CACNA2D3: variants seen among roughly 807,000 people sequenced by gnomAD.
CACNA2D3 encodes calcium voltage-gated channel auxiliary subunit alpha2delta 3.
In CACNA2D3, 60 loss-of-function variants were observed where a neutral mutation model predicts 160.6. That is an observed-to-expected ratio of 0.37 (90% CI 0.30 to 0.46). The LOEUF (loss-of-function observed/expected upper bound fraction) is 0.46, where lower values mean the gene tolerates loss of function less well. Among genes scored for constraint, CACNA2D3 ranks in the 20% least tolerant of loss-of-function variants. CACNA2D3 has a pLI of 1.00. For synonymous variants in CACNA2D3, 558 were observed against 492.9 expected (o/e 1.13, Z -1.75); for missense variants, 1,205 against 1,365.0 (o/e 0.88, Z 1.85).
At position 54,372,779 on chromosome 3, in the gene CACNA2D3, A is replaced by G. The variant is rs143061228; in HGVS notation, c.322-13936A>G. On this transcript the variant is annotated intron_variant, in intron 3 of 37. Transcript: ENST00000474759. The stretch of plus-strand genomic sequence containing the variant: ...ACCCTGTGTGTAATTTCAGTTCATT[A>G]CCTGGGCATTAAAAACGGGAGAGCC... 1.7e-3 allele frequency among the ~76,000 whole-genome samples: 256 copies of G among 152,332 alleles called. 11 individuals carry two copies. In the East Asian group the frequency reaches 0.044, roughly 26 times the overall value.
At chr3:54,458,008 T>A (rs1282858043) in intron 4 of CACNA2D3, among the ~76,000 whole-genome samples, 1 of 152,068 alleles carries the variant, frequency 6.6e-6, no homozygotes, top group Non-Finnish European at 1.5e-5. Flanking sequence ...CAGCATATAG[T>A]TGGGTTGTAT....
At chr3:54,916,646 G>A (rs1700668991) in intron 27 of CACNA2D3, among the ~76,000 whole-genome samples, 1 of 152,176 alleles carries the variant, frequency 6.6e-6, no homozygotes, top group African/African-American at 2.4e-5. Flanking sequence ...CATGGCAGGT[G>A]TAGATTGTCT....
intron 11 of CACNA2D3, among the ~76,000 whole-genome samples, chr3:54,737,779 C>G (rs1457799096): frequency 1.3e-5 from 2 of 152,156 alleles, no homozygotes. Flanking sequence ...ATTCTCTTGT[C>G]TCAGCCTCCT....
chr3:54,920,222 T>C (rs1484493541), intron 27 of CACNA2D3, among the ~76,000 whole-genome samples: 9 of 152,214 alleles, frequency 5.9e-5, no homozygotes, highest in Non-Finnish European at 1.2e-4. Flanking sequence ...CTTCAGAGTT[T>C]TAGGAATGCT....
At chr3:54,622,854 C>G (rs1020876381) in intron 9 of CACNA2D3, among the ~76,000 whole-genome samples, 1 of 152,270 alleles carries the variant, frequency 6.6e-6, no homozygotes, top group East Asian at 1.9e-4. Flanking sequence ...GTCGTCAAAG[C>G]ACTGGCTGTT....
intron 11 of CACNA2D3, among the ~76,000 whole-genome samples, chr3:54,642,736 C>G (rs1699551042): frequency 6.6e-6 from 1 of 152,146 alleles, no homozygotes; most frequent in Admixed American, 6.5e-5. Flanking sequence ...CTATTCTGAT[C>G]CTGCCTTTGC....
At chr3:54,232,221 T>A (rs1701784181) in intron 2 of CACNA2D3, among the ~76,000 whole-genome samples, 1 of 152,214 alleles carries the variant, frequency 6.6e-6, no homozygotes, top group African/African-American at 2.4e-5. Context: ...TTGCTGGCTT[T>A]ATGCTCTCAG....
At chr3:54,410,178 A>G (rs1183750190) in intron 4 of CACNA2D3, among the ~76,000 whole-genome samples, 2 of 151,992 alleles carry the variant, frequency 1.3e-5, no homozygotes, top group Non-Finnish European at 2.9e-5. Context: ...GTGAAACCCC[A>G]TCTCTACTAA....
At chr3:54,137,316 C>T (rs1185060435) in intron 2 of CACNA2D3, among the ~76,000 whole-genome samples, 1 of 152,186 alleles carries the variant, frequency 6.6e-6, no homozygotes, top group East Asian at 1.9e-4. Flanking sequence ...TCACTGAGCA[C>T]AGTTGAGTGG....
intron 3 of CACNA2D3, among the ~76,000 whole-genome samples, chr3:54,327,559 G>C (rs1047434680): frequency 6.6e-6 from 1 of 152,176 alleles, no homozygotes; most frequent in Non-Finnish European, 1.5e-5. Context: ...AAGCTTTATG[G>C]AAGTCTTAGT....
chr3:54,990,471 C>T (rs931758359), intron 31 of CACNA2D3, among the ~76,000 whole-genome samples: 1 of 152,104 alleles, frequency 6.6e-6, no homozygotes, highest in Non-Finnish European at 1.5e-5. Flanking sequence ...GCGGAGATTG[C>T]GATAAGCCGA....
chr3:54,676,917 A>T (rs2106907366), intron 11 of CACNA2D3, among the ~76,000 whole-genome samples: 1 of 152,340 alleles, frequency 6.6e-6, no homozygotes, highest in Non-Finnish European at 1.5e-5. Context: ...GGCACCAAGT[A>T]GGGAGTCAGA....
chr3:54,376,959 C>T (rs1484126337), intron 3 of CACNA2D3, among the ~76,000 whole-genome samples: 1 of 152,186 alleles, frequency 6.6e-6, no homozygotes, highest in Non-Finnish European at 1.5e-5. Context: ...AAAAATCCAT[C>T]TTGAGAAGGT....
At chr3:54,983,643 G>T (rs1006421575) in intron 29 of CACNA2D3, among the ~76,000 whole-genome samples, 6 of 152,136 alleles carry the variant, frequency 3.9e-5, no homozygotes, top group Non-Finnish European at 8.8e-5. Context: ...AATAAAGGAC[G>T]GACCATTCTG....
At chr3:54,645,266 G>T (rs774704326) in intron 11 of CACNA2D3, among the ~76,000 whole-genome samples, 20 of 152,212 alleles carry the variant, frequency 1.3e-4, no homozygotes, top group Admixed American at 4.6e-4. Flanking sequence ...CATGAGAACT[G>T]CATGGGGGAG....
chr3:54,461,634 G>A (rs1019522293), intron 4 of CACNA2D3, among the ~76,000 whole-genome samples: 175 of 151,604 alleles, frequency 1.2e-3, no homozygotes, highest in African/African-American at 3.9e-3. Context: ...CCCCTTTATC[G>A]TTTTTTATTG....
intron 6 of CACNA2D3, among the ~76,000 whole-genome samples, chr3:54,568,460 TTA>T (rs1702443845): frequency 1.3e-5 from 2 of 152,198 alleles, no homozygotes; most frequent in Admixed American, 1.3e-4. Flanking sequence ...AAAATTATCT[TTA>T]TATCACACTC....
rs559828778 is a variant in CACNA2D3 at position 54,577,021 on chromosome 3, G to A, written c.889-4782G>A. ...CACTGCACTCCAGCCTGGGTGATAC[G>A]TGAGTGGGACCCGCGTTTCAAAAAC... is the stretch of plus-strand genomic sequence containing the variant. On this transcript the variant is annotated intron_variant, in intron 8 of 37. Transcript: ENST00000474759. Among the ~76,000 whole-genome samples, 3 of 152,164 alleles carry A rather than the reference G, an allele frequency of 2.0e-5. No homozygotes were observed. In the South Asian group the frequency reaches 6.2e-4, roughly 32 times the overall value.
chr3:54,230,404 T>C (rs934392027), intron 2 of CACNA2D3, among the ~76,000 whole-genome samples: 2 of 152,254 alleles, frequency 1.3e-5, no homozygotes, highest in Non-Finnish European at 2.9e-5. Flanking sequence ...ATAAGAATTA[T>C]GTAAGGTAAT....
Sources: gnomAD v4.1 joint callset for allele counts (sites outside exome capture counted in the v4.1 genomes callset) on GRCh38, gnomAD v4.1.1 for gene constraint, MANE v1.5 for transcripts, NCBI Gene and HGNC (gene_info 2026-07-23, HGNC 2026-07-21) for gene names.